STS: variants seen among roughly 807,000 people sequenced by gnomAD.
The protein encoded by STS is steroid sulfatase.
Under a neutral mutation model 26.8 loss-of-function variants are expected in STS, and 7 were observed. That is an observed-to-expected ratio of 0.26 (90% CI 0.15 to 0.49). STS has a LOEUF of 0.49. Among genes scored for constraint, STS ranks in the 20% least tolerant of loss-of-function variants. The pLI is 0.98. For synonymous variants in STS, 199 were observed against 189.4 expected, an observed-to-expected ratio of 1.05 and a Z score of -0.42; for missense variants, 434 against 465.6, an observed-to-expected ratio of 0.93 and a Z score of 0.63.
intron 2 of STS, among the ~76,000 whole-genome samples, chrX:7,245,563 A>C (rs1424961526): frequency 8.9e-6 from 1 of 112,118 alleles, no homozygotes; most frequent in Admixed American, 9.5e-5. Flanking sequence ...CTAGTCCACA[A>C]ATCTTGACTA....
At position 7,148,010 on chromosome X, in the gene STS, A is replaced by G; in HGVS notation, c.-207A>G. On this transcript the variant is annotated 5_prime_UTR_variant, in exon 1 of 11. Transcript: ENST00000674429. ...CCGCGCCGACCGTCCCCACGCCCACACAAGACCGCCCTTACTGGAGGCGGC... is the reference window on the plus strand; with the variant it reads ...CCGCGCCGACCGTCCCCACGCCCACGCAAGACCGCCCTTACTGGAGGCGGC... The G allele has an allele frequency of 9.3e-7, 1 of 1,080,514 alleles. No homozygotes were observed. The highest frequency in any genetic ancestry group is 1.2e-6 in the Non-Finnish European group (1 of 807,166). 89.0% of individuals were successfully genotyped at this position (1,080,514 alleles called of 1,213,427 possible).
chrX:7,152,173 C>A (rs1046691494), intron 1 of STS, among the ~76,000 whole-genome samples: 1 of 110,084 alleles, frequency 9.1e-6, no homozygotes, highest in Admixed American at 9.6e-5. Flanking sequence ...AGGATGGTCT[C>A]GATTTCCTGA....
rs191426850 is a variant in STS at position 7,314,436 on chromosome X, G to A, written c.1081+9253G>A. Among the ~76,000 whole-genome samples the A allele has an allele frequency of 8.0e-5, 9 of 112,243 alleles. No homozygotes were observed. In the Admixed American group the frequency reaches 8.5e-4, roughly 11 times the overall value. On this transcript the variant is annotated intron_variant, in intron 8 of 10. Transcript: ENST00000674429. ...ATGTCCGGGCATTGAGCTCTGCCTT[G>A]TGGGTTATCTGAGCTGGGAGTAGGG...
In STS at chrX:7,149,277, G is replaced by GTATT. The variant is rs1176659117; in HGVS notation, c.-134+1196_-134+1199dup. 5.4e-5 allele frequency among the ~76,000 whole-genome samples: 6 copies of GTATT among 111,330 alleles called. No homozygotes were observed. The East Asian group carries it at 1.7e-3, about 31-fold the overall frequency. ...AAAAAAAAGGTGTAAACATGAGAGTGTATTTCTAGTTTAGTGCAGACATAG... is the reference window on the plus strand; with the variant it reads ...AAAAAAAAGGTGTAAACATGAGAGTGTATTTATTTCTAGTTTAGTGCAGACATAG... On this transcript the variant is annotated intron_variant, in intron 1 of 10. Transcript: ENST00000674429.
intron 8 of STS, among the ~76,000 whole-genome samples, chrX:7,316,275 G>T (rs1303799981): frequency 4.5e-5 from 5 of 112,159 alleles, no homozygotes; most frequent in Non-Finnish European, 9.4e-5. Context: ...TATGGAGTAA[G>T]GTCCAAGTTG....
At position 7,151,383 on chromosome X, in the gene STS, G is replaced by T. The variant is rs1195485639; in HGVS notation, c.-134+3300G>T. ...CTGTACACAGTCTACTTTTCTTGAT[G>T]ATGCTGAGAGACCAGAAAGCTCTGA... is the stretch of plus-strand genomic sequence containing the variant. On this transcript the variant is annotated intron_variant, in intron 1 of 10. Coordinates refer to ENST00000674429, the MANE Select transcript of STS (RefSeq NM_001320752.2). 2.7e-5 allele frequency among the ~76,000 whole-genome samples: 3 copies of T among 112,097 alleles called. No individual in the cohort carries two copies. The East Asian group carries it at 8.4e-4, about 32-fold the overall frequency.
In STS at chrX:7,350,161, A is replaced by G. The variant is rs1490829792; in HGVS notation, c.1637A>G (p.Asn546Ser). The G allele has an allele frequency of 3.3e-6, 4 of 1,211,775 alleles. No homozygotes were observed. The Admixed American group carries it at 6.5e-5, about 20-fold the overall frequency. The change falls in exon 11 of 11, where the codon AAC (asparagine) becomes AGC (serine). Residue 546 changes from asparagine (N) to serine (S), a missense_variant. Asn to Ser is a conservative substitution (Grantham distance 46, BLOSUM62 1). Coordinates refer to ENST00000674429, the MANE Select transcript of STS (RefSeq NM_001320752.2). Reference protein sequence around the residue: ...LPEVPDQFSWNNFLWKPWLQL... With the variant: ...LPEVPDQFSWSNFLWKPWLQL... ...GAGGTGCCCGATCAGTTTTCATGGAACAACTTTCTTTGGAAGCCCTGGCTT... is the reference window on the plus strand; with the variant it reads ...GAGGTGCCCGATCAGTTTTCATGGAGCAACTTTCTTTGGAAGCCCTGGCTT...
At chrX:7,301,477 C>G (rs745307717) in intron 7 of STS, among the ~76,000 whole-genome samples, 226 of 111,431 alleles carry the variant, frequency 2.0e-3, no homozygotes, top group South Asian at 8.9e-3. Context: ...TTCATACACT[C>G]TCCCCTGCAC....
chrX:7,257,378 G>A lies in STS; in HGVS notation c.259+15G>A. 2 of 1,211,840 alleles carry A rather than the reference G, an allele frequency of 1.7e-6. No individual in the cohort carries two copies. The highest frequency in any genetic ancestry group is 2.2e-6 in the Non-Finnish European group (2 of 895,433). ...TGTCCGATCAGGTAACCTCCTATCT[G>A]CATCGCAGGGGCTGTGGTCACCTTC... On this transcript the variant is annotated intron_variant, in intron 4 of 10. Transcript: ENST00000674429.
rs148916852 is a variant in STS, at chrX:7,213,764, T to C, written c.-5+22756T>C. Among the ~76,000 whole-genome samples, 904 of 111,281 alleles carry C rather than the reference T, an allele frequency of 8.1e-3. 6 individuals carry two copies. Among genetic ancestry groups the C allele is most frequent in the Middle Eastern group, 0.023 (5 of 217 alleles). On this transcript the variant is annotated intron_variant, in intron 2 of 10. Transcript: ENST00000674429. ...AGTTGGCTTTTCACTTCCTCTCACC[T>C]ATCCCAGCATATCTACTTTAAAGAC... is the stretch of plus-strand genomic sequence containing the variant.
At chrX:7,148,353 G>C (rs1932932312) in intron 1 of STS, among the ~76,000 whole-genome samples, 1 of 112,649 alleles carries the variant, frequency 8.9e-6, no homozygotes, top group Admixed American at 9.3e-5. Context: ...GCGCGGGCCG[G>C]CGCTGTATGT....
chrX:7,205,641 CTTTT>C (rs11318727), intron 2 of STS, among the ~76,000 whole-genome samples: 1 of 87,977 alleles, frequency 1.1e-5, no homozygotes, highest in East Asian at 3.5e-4. Context: ...TTTCTTTTTT[CTTTT>C]TTTTTTTTTT....
chrX:7,340,907 A>G (rs1325251849), intron 10 of STS, among the ~76,000 whole-genome samples: 1 of 111,817 alleles, frequency 8.9e-6, no homozygotes. Flanking sequence ...ACTACTTCCC[A>G]AGGAAGATAG....
At chrX:7,205,575 T>C (rs1934200390) in intron 2 of STS, among the ~76,000 whole-genome samples, 1 of 88,405 alleles carries the variant, frequency 1.1e-5, no homozygotes, top group African/African-American at 4.9e-5. Context: ...GGTTGGAAAT[T>C]ATTTGGTTTT....
At chrX:7,333,824 C>T (rs1323602433) in intron 9 of STS, among the ~76,000 whole-genome samples, 162 bp from the exon 10 acceptor site, 2 of 112,549 alleles carry the variant, frequency 1.8e-5, no homozygotes, top group South Asian at 7.4e-4. Context: ...AGATAATGCA[C>T]GGACAGAGCT....
intron 9 of STS, among the ~76,000 whole-genome samples, chrX:7,328,700 C>T (rs190626053): frequency 3.6e-5 from 4 of 110,223 alleles, no homozygotes; most frequent in Non-Finnish European, 7.6e-5. Flanking sequence ...GCTGGGACTA[C>T]AGGCGTGCAC....
chrX:7,206,952 A>G (rs1409823762), intron 2 of STS, among the ~76,000 whole-genome samples: 2 of 112,357 alleles, frequency 1.8e-5, no homozygotes, highest in African/African-American at 6.5e-5. Context: ...GCTCATGCCT[A>G]CAATTCCAGC....
chrX:7,158,710 G>A (rs1325108626), intron 1 of STS, among the ~76,000 whole-genome samples: 1 of 111,465 alleles, frequency 9.0e-6, no homozygotes, highest in African/African-American at 3.3e-5. Flanking sequence ...CTGGGGGTAG[G>A]GTGGGGAGAA....
chrX:7,248,244 C>A (rs1443494984), intron 2 of STS, among the ~76,000 whole-genome samples: 1 of 112,152 alleles, frequency 8.9e-6, no homozygotes, highest in Admixed American at 9.5e-5. Flanking sequence ...CTCTTCCAAG[C>A]TCAACAGATT....
Sources: allele counts gnomAD v4.1 joint callset (sites outside exome capture counted in the v4.1 genomes callset), GRCh38; gene constraint gnomAD v4.1.1; transcripts MANE v1.5; gene names NCBI Gene and HGNC (gene_info 2026-07-23, HGNC 2026-07-21).